The following CALN1 variants were observed in gnomAD, a reference collection of about 807,000 sequenced individuals.
The protein encoded by CALN1 is calneuron 1.
In CALN1, 17 loss-of-function variants were observed where a neutral mutation model predicts 30.6. The observed-to-expected ratio is 0.56, with a 90% CI of 0.38 to 0.83. The LOEUF is 0.83. CALN1 is among the 40% of genes least tolerant of loss of function. The probability of loss-of-function intolerance (pLI) is 0.00; values close to 1 mark genes in which losing one functional copy is unlikely to be tolerated. For missense variants in CALN1, 291 were observed against 354.9 expected (o/e 0.82, Z 1.45); for synonymous variants, 156 against 131.4 (o/e 1.19, Z -1.28).
chr7:72,309,167 G>A (rs1213421825), intron 2 of CALN1, among the ~76,000 whole-genome samples: 2 of 152,138 alleles, frequency 1.3e-5, no homozygotes, highest in Admixed American at 6.5e-5. Flanking sequence ...CCTAAGCCAG[G>A]AACCTGGAGG....
At chr7:71,846,807 C>A in intron 5 of CALN1, among the ~76,000 whole-genome samples, 1 of 133,862 alleles carries the variant, frequency 7.5e-6, no homozygotes, top group Non-Finnish European at 1.5e-5. Flanking sequence ...TATATATGAG[C>A]AATATATACA....
At chr7:71,877,704 A>G (rs1792331194) in intron 5 of CALN1, among the ~76,000 whole-genome samples, 1 of 152,178 alleles carries the variant, frequency 6.6e-6, no homozygotes, top group South Asian at 2.1e-4. Flanking sequence ...TAATGTCACA[A>G]AAATGCCAGT....
chr7:72,283,422 C>G (rs1471355923), intron 2 of CALN1, among the ~76,000 whole-genome samples: 1 of 152,032 alleles, frequency 6.6e-6, no homozygotes, highest in Non-Finnish European at 1.5e-5. Context: ...GTAGTCATAG[C>G]TACTCCGGAG....
At chr7:72,266,579 A>G (rs1796610251) in intron 3 of CALN1, among the ~76,000 whole-genome samples, 1 of 151,858 alleles carries the variant, frequency 6.6e-6, no homozygotes, top group Non-Finnish European at 1.5e-5. Context: ...TCTATTTTCT[A>G]TTTCTATTCT....
At chr7:71,861,563 A>G (rs11770636) in intron 5 of CALN1, among the ~76,000 whole-genome samples, 52,737 of 151,324 alleles carry the variant, frequency 0.35, 9,768 homozygotes, top group East Asian at 0.56. Context: ...ATCCCTTGAG[A>G]CCAGGAATTC....
chr7:71,874,647 T>C (rs920803038), intron 5 of CALN1, among the ~76,000 whole-genome samples: 3 of 152,178 alleles, frequency 2.0e-5, no homozygotes, highest in Non-Finnish European at 4.4e-5. Context: ...ACTTTATTTT[T>C]CTGTGATTCC....
intron 3 of CALN1, among the ~76,000 whole-genome samples, chr7:72,204,306 G>A (rs903651982): frequency 6.6e-5 from 10 of 151,586 alleles, no homozygotes; most frequent in African/African-American, 2.2e-4. Context: ...AAGCCAAGAG[G>A]ACTCTTTTTT....
intron 3 of CALN1, among the ~76,000 whole-genome samples, chr7:72,110,938 T>C (rs183490293): frequency 1.7e-4 from 26 of 152,276 alleles, no homozygotes; most frequent in African/African-American, 5.5e-4. Flanking sequence ...GCTCCCAGCA[T>C]TGAGTGGGCT....
At chr7:71,915,079 G>C (rs980582487) in intron 5 of CALN1, among the ~76,000 whole-genome samples, 3 of 152,200 alleles carry the variant, frequency 2.0e-5, no homozygotes, top group African/African-American at 7.2e-5. Flanking sequence ...ACATCACAAA[G>C]GGATTAGTCT....
At chr7:72,393,440 G>GTTTTTT (rs1805709942) in intron 2 of CALN1, among the ~76,000 whole-genome samples, 1 of 152,074 alleles carries the variant, frequency 6.6e-6, no homozygotes, top group Non-Finnish European at 1.5e-5. Flanking sequence ...CTCCAGACTG[G>GTTTTTT]GAGAGAGAGC....
chr7:72,373,432 G>GGT lies in CALN1; in HGVS notation c.119+29817_119+29818dup, dbSNP rs1369024661. Among the ~76,000 whole-genome samples the GGT allele has an allele frequency of 3.9e-5, 6 of 152,202 alleles. No individual in the cohort carries two copies. In the East Asian group the frequency reaches 1.2e-3, roughly 29 times the overall value. On this transcript the variant is annotated intron_variant, in intron 2 of 6. Coordinates refer to ENST00000395275, the MANE Select transcript of CALN1 (RefSeq NM_031468.4). Reference sequence around the variant, plus strand: ...ACTTAGGATTTTTTGACTTCAAAATGGTGCAAAATCAATACTCAGTCAATA... The same window carrying GGT: ...ACTTAGGATTTTTTGACTTCAAAATGGTGTGCAAAATCAATACTCAGTCAATA...
At chr7:72,072,382 A>G in intron 4 of CALN1, among the ~76,000 whole-genome samples, 1 of 152,202 alleles carries the variant, frequency 6.6e-6, no homozygotes, top group East Asian at 1.9e-4. Context: ...TATAAGAAAA[A>G]AAGCCTGTCA....
intron 3 of CALN1, among the ~76,000 whole-genome samples, chr7:72,159,121 G>C (rs1268466815): frequency 6.6e-6 from 1 of 151,960 alleles, no homozygotes; most frequent in African/African-American, 2.4e-5. Context: ...CAAAGTGCTG[G>C]GATTACAGGC....
chr7:72,338,470 AGTGTGTGTGTGTGTGTGTGTGTGT>A (rs56695086), intron 2 of CALN1, among the ~76,000 whole-genome samples: 13 of 74,758 alleles, frequency 1.7e-4, no homozygotes, highest in East Asian at 8.3e-4. Flanking sequence ...CCAGCAGCAC[AGTGTGTGTGTGTGTGTGTGTGTGT>A]GTGTGTGTGT....
chr7:72,387,062 A>C (rs1385126203), intron 2 of CALN1, among the ~76,000 whole-genome samples: 1 of 151,612 alleles, frequency 6.6e-6, no homozygotes, highest in East Asian at 1.9e-4. Context: ...AGGAGCTAAC[A>C]GTTCCCAATG....
intron 2 of CALN1, among the ~76,000 whole-genome samples, chr7:72,327,180 C>A (rs1191563479): frequency 2.6e-5 from 4 of 152,186 alleles, no homozygotes; most frequent in Non-Finnish European, 5.9e-5. Context: ...TCTTCCAGAA[C>A]ACATCAATGG....
In CALN1 at chr7:71,928,030, A is replaced by C. The variant is rs75299250; in HGVS notation, c.501+95627T>G. The stretch of plus-strand genomic sequence containing the variant: ...GTTTGCTCCCCTTCTCCAGCATCCT[A>C]AGGCTTTTGATCCTTAGAGGACTGA... On this transcript the variant is annotated intron_variant, in intron 5 of 6. Transcript: ENST00000395275. 3.9e-5 allele frequency among the ~76,000 whole-genome samples: 6 copies of C among 152,180 alleles called. No individual in the cohort carries two copies. The East Asian group carries it at 1.2e-3, about 29-fold the overall frequency.
intron 3 of CALN1, among the ~76,000 whole-genome samples, chr7:72,147,487 T>C (rs1786850275): frequency 1.9e-5 from 2 of 105,994 alleles, no homozygotes; most frequent in Admixed American, 8.8e-5. Context: ...AGAGGACTGT[T>C]ACACTGTTGG....
At chr7:72,242,791 G>A (rs1304832286) in intron 3 of CALN1, among the ~76,000 whole-genome samples, 2 of 152,182 alleles carry the variant, frequency 1.3e-5, no homozygotes, top group Non-Finnish European at 2.9e-5. Flanking sequence ...AGGAGGCTGA[G>A]GCAGGAGAAT....
Sources: allele counts gnomAD v4.1 joint callset (sites outside exome capture counted in the v4.1 genomes callset), GRCh38; gene constraint gnomAD v4.1.1; transcripts MANE v1.5; gene names NCBI Gene and HGNC (gene_info 2026-07-23, HGNC 2026-07-21).